ADARB2: variants seen among roughly 807,000 people sequenced by gnomAD.
ADARB2 encodes inactive double-stranded RNA-specific editase B2.
In ADARB2, 25 loss-of-function variants were observed where a neutral mutation model predicts 62.2. That is an observed-to-expected ratio of 0.40 (90% CI 0.29 to 0.56). ADARB2 has a LOEUF of 0.56. Ranked by LOEUF, ADARB2 falls within the 20% of genes least tolerant of loss-of-function variation. The pLI is 0.43. For missense variants in ADARB2, 1,071 were observed against 1,077.4 expected (o/e 0.99, Z 0.08); for synonymous variants, 572 against 500.8 (o/e 1.14, Z -1.90).
chr10:1,654,070 C>G (rs567049826), intron 1 of ADARB2, among the ~76,000 whole-genome samples: 12 of 152,166 alleles, frequency 7.9e-5, no homozygotes, highest in South Asian at 4.2e-4. Flanking sequence ...GATGCTCCTG[C>G]CTGTGTCTGG....
At chr10:1,602,152 T>A (rs1568149) in intron 1 of ADARB2, among the ~76,000 whole-genome samples, 1 of 152,084 alleles carries the variant, frequency 6.6e-6, no homozygotes. Flanking sequence ...CTGCAGTGGG[T>A]TCTGCTGACT....
chr10:1,630,265 G>C (rs1056132167), intron 1 of ADARB2, among the ~76,000 whole-genome samples: 1 of 152,214 alleles, frequency 6.6e-6, no homozygotes, highest in Non-Finnish European at 1.5e-5. Context: ...CGACACTTAT[G>C]TTCTCGTGAG....
intron 1 of ADARB2, among the ~76,000 whole-genome samples, chr10:1,474,896 C>T (rs1387037493): frequency 2.6e-5 from 4 of 152,146 alleles, no homozygotes; most frequent in African/African-American, 9.7e-5. Flanking sequence ...CACGGGGGGT[C>T]ACGCACCACA....
intron 3 of ADARB2, among the ~76,000 whole-genome samples, chr10:1,319,013 T>TA (rs532605146): frequency 4.6e-5 from 7 of 152,066 alleles, no homozygotes; most frequent in Non-Finnish European, 1.0e-4. Context: ...CTGGAGATGA[T>TA]AAAAAAAGAT....
intron 1 of ADARB2, among the ~76,000 whole-genome samples, chr10:1,546,146 C>T (rs1275372661): frequency 6.6e-6 from 1 of 152,174 alleles, no homozygotes; most frequent in Non-Finnish European, 1.5e-5. Flanking sequence ...CCCCCTAACT[C>T]TCCCTGGTTC....
At chr10:1,554,735 T>C (rs1177077545) in intron 1 of ADARB2, among the ~76,000 whole-genome samples, 4 of 152,220 alleles carry the variant, frequency 2.6e-5, no homozygotes, top group African/African-American at 9.7e-5. Flanking sequence ...AAAGGTATTT[T>C]TAAACATTTA....
chr10:1,348,100 C>T (rs1832097799), intron 3 of ADARB2, among the ~76,000 whole-genome samples: 1 of 152,090 alleles, frequency 6.6e-6, no homozygotes, highest in Non-Finnish European at 1.5e-5. Context: ...ATCCCGGGCC[C>T]CTGCAGGGCT....
intron 3 of ADARB2, among the ~76,000 whole-genome samples, chr10:1,312,802 A>T (rs915964630): frequency 2.6e-5 from 4 of 152,186 alleles, no homozygotes; most frequent in African/African-American, 9.7e-5. Flanking sequence ...CACAGCTGCC[A>T]TGCAGTGCTC....
chr10:1,378,115 T>C (rs1418006957), intron 2 of ADARB2, among the ~76,000 whole-genome samples: 1 of 152,192 alleles, frequency 6.6e-6, no homozygotes, highest in Non-Finnish European at 1.5e-5. Context: ...GTGGAATGTC[T>C]CGTCTTCTTT....
At position 1,279,081 on chromosome 10, in the gene ADARB2, G is replaced by T. The variant is rs1047441381; in HGVS notation, c.1078-8012C>A. Among the ~76,000 whole-genome samples, 4 of 152,286 alleles carry T rather than the reference G, an allele frequency of 2.6e-5. No individual in the cohort carries two copies. In the South Asian group the frequency reaches 8.3e-4, roughly 32 times the overall value. On this transcript the variant is annotated intron_variant, in intron 3 of 9. Coordinates refer to ENST00000381312, the MANE Select transcript of ADARB2 (RefSeq NM_018702.4). Reference sequence around the variant, plus strand: ...CCTTTTCACACTGTCTTCATCTGCTGGGGCTGCCGTAAAAGAATACCATAG... The same window carrying T: ...CCTTTTCACACTGTCTTCATCTGCTTGGGCTGCCGTAAAAGAATACCATAG...
chr10:1,487,118 A>G (rs1460046284), intron 1 of ADARB2, among the ~76,000 whole-genome samples: 2 of 152,176 alleles, frequency 1.3e-5, no homozygotes, highest in Non-Finnish European at 2.9e-5. Context: ...GATGCTGGGG[A>G]GGCCGGATTT....
rs75125879 is a variant in ADARB2 at position 1,675,324 on chromosome 10, A to G, written c.100+61727T>C. 8.4e-4 allele frequency: 689 copies of G among 823,832 alleles called. No homozygotes were observed. The Admixed American group carries it at 0.018, about 22-fold the overall frequency. The allele number at this position is 823,832 out of a possible 1,614,324, so 51.0% of individuals were successfully genotyped here. A position where few individuals can be genotyped will look rare whatever the true frequency, so the allele number is the denominator to read the frequency against. On this transcript the variant is annotated intron_variant, in intron 1 of 9. Transcript: ENST00000381312. Reference sequence around the variant, plus strand: ...GGAGGTTTGGGTTCGGGGATGCATGAATGTTCTGGAGGTTTGGGTTTGGGG... The same window carrying G: ...GGAGGTTTGGGTTCGGGGATGCATGGATGTTCTGGAGGTTTGGGTTTGGGG...
chr10:1,556,746 C>T, intron 1 of ADARB2: 2 of 534,520 alleles, frequency 3.7e-6, no homozygotes, highest in South Asian at 2.8e-5. Context: ...TGTGTGGGAG[C>T]CAGCCGGCCC....
Position 1,579,916 on chromosome 10 carries a change from G to A in ADARB2, c.100+157135C>T, listed in dbSNP as rs189482962. Among the ~76,000 whole-genome samples the A allele has an allele frequency of 1.1e-4, 16 of 152,176 alleles. No homozygotes were observed. The East Asian group carries it at 1.5e-3, about 15-fold the overall frequency. On this transcript the variant is annotated intron_variant, in intron 1 of 9. Transcript: ENST00000381312. ...GACATGCCTGGTGTCTCTAGCAGCC[G>A]CTCACCTTTCAGGACTCAGGGGCTC...
At chr10:1,655,123 C>T (rs1052546899) in intron 1 of ADARB2, among the ~76,000 whole-genome samples, 1 of 152,208 alleles carries the variant, frequency 6.6e-6, no homozygotes, top group Non-Finnish European at 1.5e-5. Context: ...GTTAGCCCTG[C>T]ATGGGGCCTT....
intron 1 of ADARB2, among the ~76,000 whole-genome samples, chr10:1,435,227 G>T (rs1007147517): frequency 6.6e-6 from 1 of 152,208 alleles, no homozygotes; most frequent in South Asian, 2.1e-4. Context: ...GCAGATGAAC[G>T]GCAGGAGCTC....
At chr10:1,682,210 G>C (rs1407514157) in intron 1 of ADARB2, among the ~76,000 whole-genome samples, 1 of 152,194 alleles carries the variant, frequency 6.6e-6, no homozygotes, top group Non-Finnish European at 1.5e-5. Flanking sequence ...AGGAATAAGA[G>C]AGCACTGGGC....
At chr10:1,285,453 A>C (rs546604884) in intron 3 of ADARB2, among the ~76,000 whole-genome samples, 1 of 152,318 alleles carries the variant, frequency 6.6e-6, no homozygotes, top group East Asian at 1.9e-4. Context: ...CCCAGCCTTG[A>C]AGCTATGAAT....
intron 2 of ADARB2, among the ~76,000 whole-genome samples, chr10:1,371,793 A>G: frequency 8.7e-6 from 1 of 115,546 alleles, no homozygotes; most frequent in Middle Eastern, 4.3e-3. Context: ...GTAAAAAAAA[A>G]AAAAAAAAAA....
Sources: gnomAD v4.1 joint callset for allele counts (sites outside exome capture counted in the v4.1 genomes callset) on GRCh38, gnomAD v4.1.1 for gene constraint, MANE v1.5 for transcripts, NCBI Gene and HGNC (gene_info 2026-07-23, HGNC 2026-07-21) for gene names.